Variants in COL4A5 observed in about 807,000 individuals in gnomAD.
COL4A5 encodes the protein collagen type IV alpha 5 chain, also known as collagen alpha-5(IV) chain.
COL4A5 carries 26 observed loss-of-function variants against 130.2 expected under a neutral mutation model. The observed-to-expected ratio is 0.20, with a 90% CI of 0.15 to 0.28. The LOEUF (loss-of-function observed/expected upper bound fraction) is 0.28. Among genes scored for constraint, COL4A5 ranks in the 10% least tolerant of loss-of-function variants. The pLI is 1.00. For missense variants in COL4A5, 1,131 were observed against 1,344.3 expected (o/e 0.84, Z 2.48); for synonymous variants, 496 against 439.6 (o/e 1.13, Z -1.60).
At chrX:108,525,956 G>T (rs1180133684) in intron 1 of COL4A5, among the ~76,000 whole-genome samples, 1 of 111,653 alleles carries the variant, frequency 9.0e-6, no homozygotes, top group Non-Finnish European at 1.9e-5. Flanking sequence ...AATACTCCTG[G>T]GCTGCTGTGC....
chrX:108,528,429 G>A (rs747422162), intron 1 of COL4A5, among the ~76,000 whole-genome samples: 1 of 112,441 alleles, frequency 8.9e-6, no homozygotes, highest in Non-Finnish European at 1.9e-5. Context: ...TACACCAGAT[G>A]CACAGTTACC....
intron 29 of COL4A5, among the ~76,000 whole-genome samples, chrX:108,607,740 T>C (rs79594581): frequency 0.1 from 11,526 of 110,960 alleles, 1,298 homozygotes; most frequent in African/African-American, 0.34. Context: ...CCTCGGCCTC[T>C]CAAAGTGTTG....
intron 49 of COL4A5, among the ~76,000 whole-genome samples, chrX:108,688,223 A>G (rs997644719): frequency 7.2e-5 from 8 of 111,690 alleles, no homozygotes; most frequent in African/African-American, 2.6e-4. Context: ...AGCTATATAA[A>G]GTATGACATT....
rs185047423 is a variant in COL4A5 at position 108,543,893 on chromosome X, G to A, written c.141+4088G>A. Among the ~76,000 whole-genome samples, 14 of 111,736 alleles carry A rather than the reference G, an allele frequency of 1.3e-4. No homozygotes were observed. The Admixed American group carries it at 1.3e-3, about 11-fold the overall frequency. On this transcript the variant is annotated intron_variant, in intron 2 of 52. Coordinates refer to ENST00000328300, the MANE Select transcript of COL4A5 (RefSeq NM_033380.3). The stretch of plus-strand genomic sequence containing the variant: ...CAATTGTGAATGGGAGTTCACTCAT[G>A]ATTTGGCTCTCTGTTTGTCTGTTAC...
chrX:108,571,108 T>C (rs1255503811), intron 6 of COL4A5, among the ~76,000 whole-genome samples: 1 of 112,129 alleles, frequency 8.9e-6, no homozygotes, highest in Non-Finnish European at 1.9e-5. Context: ...GATCATTAAC[T>C]ATTAAATGTG....
At chrX:108,521,320 A>G (rs752122597) in intron 1 of COL4A5, among the ~76,000 whole-genome samples, 17 of 110,821 alleles carry the variant, frequency 1.5e-4, no homozygotes, top group Non-Finnish European at 2.6e-4. Context: ...ACATCCTGAG[A>G]AGAGAGGCAT....
At chrX:108,670,624 A>G (rs1174134909) in intron 42 of COL4A5, 1 of 334,658 alleles carries the variant, frequency 3.0e-6, no homozygotes, top group East Asian at 9.2e-5. Context: ...TTAAACAATA[A>G]TATGTATTAT....
At chrX:108,547,531 G>A (rs569146405) in intron 2 of COL4A5, among the ~76,000 whole-genome samples, 52 of 111,947 alleles carry the variant, frequency 4.6e-4, no homozygotes, top group Admixed American at 2.0e-3. Flanking sequence ...TGGGGGTTGC[G>A]TCCCAGTTAG....
chrX:108,514,587 G>A (rs1242418487), intron 1 of COL4A5, among the ~76,000 whole-genome samples: 1 of 111,866 alleles, frequency 8.9e-6, no homozygotes, highest in African/African-American at 3.2e-5. Flanking sequence ...GGAAAGATGA[G>A]GAAAGAGATA....
chrX:108,514,973 A>G (rs1328749203), intron 1 of COL4A5, among the ~76,000 whole-genome samples: 1 of 112,032 alleles, frequency 8.9e-6, no homozygotes, highest in Non-Finnish European at 1.9e-5. Flanking sequence ...TGGGTATAGC[A>G]TCTCCAATCA....
At position 108,496,025 on chromosome X, in the gene COL4A5, G is replaced by A. The variant is rs186704000; in HGVS notation, c.82-43721G>A. 2.7e-3 allele frequency among the ~76,000 whole-genome samples: 302 copies of A among 112,289 alleles called. 1 individual carries two copies. The highest frequency in any genetic ancestry group is 0.014 in the Middle Eastern group (3 of 215). The stretch of plus-strand genomic sequence containing the variant: ...CCCCTTCTACCATGGAAGAGGCAGC[G>A]TTTTGTCTTTAATGGAACAGACAAT... On this transcript the variant is annotated intron_variant, in intron 1 of 52. Coordinates refer to ENST00000328300, the MANE Select transcript of COL4A5 (RefSeq NM_033380.3).
intron 1 of COL4A5, among the ~76,000 whole-genome samples, chrX:108,524,194 C>G (rs1210186481): frequency 1.8e-5 from 2 of 111,600 alleles, no homozygotes; most frequent in African/African-American, 6.5e-5. Context: ...TACATAGAAC[C>G]TGTAGGATTA....
intron 1 of COL4A5, among the ~76,000 whole-genome samples, chrX:108,464,054 T>C (rs928299071): frequency 8.9e-6 from 1 of 111,801 alleles, no homozygotes; most frequent in Non-Finnish European, 1.9e-5. Context: ...CCAATTGGGC[T>C]AACATTATTA....
chrX:108,488,159 T>C (rs983609076), intron 1 of COL4A5, among the ~76,000 whole-genome samples: 2 of 112,501 alleles, frequency 1.8e-5, no homozygotes, highest in Non-Finnish European at 3.8e-5. Context: ...CTTTTATAAA[T>C]ATTTTATGCA....
intron 1 of COL4A5, among the ~76,000 whole-genome samples, chrX:108,485,382 A>G (rs1292673807): frequency 9.0e-6 from 1 of 111,324 alleles, no homozygotes; most frequent in Non-Finnish European, 1.9e-5. Context: ...GACTTTCCCA[A>G]TAGCCACCAC....
intron 17 of COL4A5, among the ~76,000 whole-genome samples, chrX:108,583,310 C>T (rs765348103): frequency 1.8e-5 from 2 of 111,849 alleles, no homozygotes; most frequent in East Asian, 2.8e-4. Flanking sequence ...GAATGTAGAA[C>T]GTCGCCACTA....
At chrX:108,490,927 T>G (rs1791033542) in intron 1 of COL4A5, among the ~76,000 whole-genome samples, 1 of 112,000 alleles carries the variant, frequency 8.9e-6, no homozygotes, top group South Asian at 3.7e-4. Context: ...CTGCATTAGT[T>G]TGCTAAGGAT....
chrX:108,620,598 C>T (rs935377815), intron 31 of COL4A5, among the ~76,000 whole-genome samples, 172 bp downstream of exon 31: 1 of 112,149 alleles, frequency 8.9e-6, no homozygotes, highest in Non-Finnish European at 1.9e-5. Flanking sequence ...GCACATTTTT[C>T]TCTGTGAGAG....
chrX:108,484,747 C>T (rs949936087), intron 1 of COL4A5, among the ~76,000 whole-genome samples: 1 of 112,598 alleles, frequency 8.9e-6, no homozygotes, highest in African/African-American at 3.2e-5. Context: ...CTGGGTCAGA[C>T]CTGAAGCTAG....
Sources: allele counts gnomAD v4.1 joint callset (sites outside exome capture counted in the v4.1 genomes callset), GRCh38; gene constraint gnomAD v4.1.1; transcripts MANE v1.5; gene names NCBI Gene and HGNC (gene_info 2026-07-23, HGNC 2026-07-21).